The following GDPD5 variants were observed in gnomAD, a reference collection of about 807,000 sequenced individuals.
The protein encoded by GDPD5 is glycerophosphodiester phosphodiesterase 2.
A neutral mutation model predicts 75.1 loss-of-function variants in GDPD5; 48 were observed. The observed-to-expected ratio is 0.64, with a 90% confidence interval of 0.51 to 0.81. GDPD5 has a LOEUF of 0.81. GDPD5 is among the 40% of genes least tolerant of loss of function. The pLI is 0.00. For synonymous variants in GDPD5, 336 were observed against 339.0 expected (o/e 0.99, Z 0.10); for missense variants, 706 against 822.6 (o/e 0.86, Z 1.73).
chr11:75,496,766 CT>C (rs1565213313), intron 1 of GDPD5, among the ~76,000 whole-genome samples: 97 of 110,022 alleles, frequency 8.8e-4, no homozygotes, highest in African/African-American at 2.8e-3. Flanking sequence ...CTTTTTTTTT[CT>C]TTTCTTTCTT....
intron 3 of GDPD5, among the ~76,000 whole-genome samples, chr11:75,470,206 G>A (rs891248840): frequency 5.3e-5 from 8 of 152,238 alleles, no homozygotes; most frequent in Non-Finnish European, 8.8e-5. Context: ...AGCAGAGGGC[G>A]TGAAGGCACA....
intron 12 of GDPD5, 30 bp downstream of exon 12, chr11:75,442,333 C>CG: frequency 7.9e-6 from 12 of 1,510,242 alleles, no homozygotes; most frequent in African/African-American, 1.4e-5. Flanking sequence ...CCAGGGCTCC[C>CG]GGGGGCAGAG....
chr11:75,452,260 A>T (rs974662127), intron 6 of GDPD5: 3 of 152,236 alleles, frequency 2.0e-5, no homozygotes, highest in African/African-American at 7.2e-5. Context: ...CACGGTCTTC[A>T]GTCGAATCCT....
intron 3 of GDPD5, among the ~76,000 whole-genome samples, chr11:75,468,948 T>C (rs772296723): frequency 3.9e-5 from 6 of 152,220 alleles, no homozygotes; most frequent in Non-Finnish European, 7.3e-5. Flanking sequence ...ACAGGAGGAC[T>C]GCCAGGCCCC....
rs768504851 is a variant in GDPD5, at chr11:75,519,597, A to AT, written c.-145+5612dup. Among the ~76,000 whole-genome samples the AT allele has an allele frequency of 9.9e-4, 151 of 152,152 alleles. 2 individuals are homozygous for AT. The highest frequency in any genetic ancestry group is 3.1e-4 in the Non-Finnish European group (21 of 68,026). On this transcript the variant is annotated intron_variant, in intron 1 of 16. Coordinates refer to ENST00000336898, the MANE Select transcript of GDPD5 (RefSeq NM_030792.8). ...TTTTTTTGAGTGCTTTACACGTATAATTCATTTCACCCTCACAACTCTATG... is the reference window on the plus strand; with the variant it reads ...TTTTTTTGAGTGCTTTACACGTATAATTTCATTTCACCCTCACAACTCTATG...
intron 3 of GDPD5, among the ~76,000 whole-genome samples, chr11:75,470,117 A>C (rs1468608084): frequency 6.6e-6 from 1 of 152,188 alleles, no homozygotes; most frequent in Admixed American, 6.5e-5. Flanking sequence ...CTGGAGGAGA[A>C]GACACCTGCA....
chr11:75,462,358 T>C (rs1244069564), intron 4 of GDPD5, among the ~76,000 whole-genome samples: 1 of 152,130 alleles, frequency 6.6e-6, no homozygotes, highest in Admixed American at 6.6e-5. Context: ...GAATCATCAA[T>C]GCAAGCACCA....
chr11:75,449,446 G>T, intron 8 of GDPD5, 71 bp downstream of exon 8: 10 of 1,433,788 alleles, frequency 7.0e-6, no homozygotes, highest in Non-Finnish European at 9.6e-6. Context: ...GAAAGCCCAG[G>T]TCGGGGCAGC....
intron 3 of GDPD5, 71 bp downstream of exon 3, chr11:75,477,548 A>T: frequency 3.1e-6 from 3 of 953,232 alleles, no homozygotes; most frequent in Non-Finnish European, 4.6e-6. Flanking sequence ...CAGAGCTAAG[A>T]CCCCTCCCCC....
chr11:75,449,132 AG>A lies in GDPD5; in HGVS notation c.569-11del. The A allele has an allele frequency of 6.4e-7, 1 of 1,568,032 alleles. No homozygotes were observed. The highest frequency in any genetic ancestry group is 8.6e-7 in the Non-Finnish European group (1 of 1,156,764). ...ATGGTCACCTGGGAGGCTGCAGATA[AG>A]GGGCCGTGAGTGCTGCCTGGTGAGC... On this transcript the variant is annotated splice_polypyrimidine_tract_variant and intron_variant, in intron 8 of 16. Coordinates refer to ENST00000336898, the MANE Select transcript of GDPD5 (RefSeq NM_030792.8).
chr11:75,493,147 T>C (rs1950139957), intron 1 of GDPD5, among the ~76,000 whole-genome samples: 1 of 151,930 alleles, frequency 6.6e-6, no homozygotes, highest in Admixed American at 6.6e-5. Flanking sequence ...CTATTGTTCA[T>C]TGTATGATAG....
intron 14 of GDPD5, 100 bp from the exon 15 acceptor site, chr11:75,440,061 G>A (rs1365094793): frequency 1.2e-6 from 1 of 847,714 alleles, no homozygotes; most frequent in Non-Finnish European, 1.9e-6. Flanking sequence ...CATGGCCACT[G>A]GGGAAGGGCA....
At position 75,462,939 on chromosome 11, in the gene GDPD5, T is replaced by C. The variant is rs1949445613; in HGVS notation, c.118-50A>G. On this transcript the variant is annotated intron_variant, in intron 3 of 16. Transcript: ENST00000336898. Reference sequence around the variant, plus strand: ...TTAAGTGGGTCAGGGGCCAGCCCCTTAGGCTGCCTCCCACCAGAATGTGTC... The same window carrying C: ...TTAAGTGGGTCAGGGGCCAGCCCCTCAGGCTGCCTCCCACCAGAATGTGTC... The C allele has an allele frequency of 2.1e-6, 3 of 1,457,604 alleles. No individual in the cohort carries two copies. The East Asian group carries it at 7.0e-5, about 34-fold the overall frequency. 90.3% of individuals were successfully genotyped at this position (1,457,604 alleles called of 1,614,324 possible).
chr11:75,467,376 A>G (rs1949540523), intron 3 of GDPD5, among the ~76,000 whole-genome samples: 2 of 152,178 alleles, frequency 1.3e-5, no homozygotes, highest in South Asian at 4.1e-4. Context: ...GGATGGCCTG[A>G]GCTGTCTCTA....
chr11:75,436,814 G>A, intron 16 of GDPD5, 122 bp downstream of exon 16: 1 of 716,938 alleles, frequency 1.4e-6, no homozygotes. Flanking sequence ...ATGTACGTCT[G>A]TGCCCTTGTC....
intron 1 of GDPD5, among the ~76,000 whole-genome samples, chr11:75,510,517 T>A (rs1950491720): frequency 6.6e-6 from 1 of 152,112 alleles, no homozygotes; most frequent in Non-Finnish European, 1.5e-5. Context: ...CCGTCTGACC[T>A]CCTTTTCCTC....
At chr11:75,512,520 G>A (rs1783550) in intron 1 of GDPD5, among the ~76,000 whole-genome samples, 67,248 of 152,036 alleles carry the variant, frequency 0.44, 17,163 homozygotes, top group Middle Eastern at 0.6. Context: ...CCCTCAACCC[G>A]TCCATGTTGC....
At chr11:75,517,796 C>T (rs761140662) in intron 1 of GDPD5, among the ~76,000 whole-genome samples, 4 of 149,102 alleles carry the variant, frequency 2.7e-5, no homozygotes, top group East Asian at 3.9e-4. Flanking sequence ...CCTGGACACC[C>T]TCCCCTAGAT....
chr11:75,473,505 C>A (rs1240525800), intron 3 of GDPD5, among the ~76,000 whole-genome samples: 1 of 152,076 alleles, frequency 6.6e-6, no homozygotes, highest in Non-Finnish European at 1.5e-5. Flanking sequence ...CCTGTGTATA[C>A]CTCCTCACTC....
Sources: gnomAD v4.1 joint callset for allele counts (sites outside exome capture counted in the v4.1 genomes callset) on GRCh38, gnomAD v4.1.1 for gene constraint, MANE v1.5 for transcripts, NCBI Gene and HGNC (gene_info 2026-07-23, HGNC 2026-07-21) for gene names.